The following NFIB variants were observed in gnomAD, a reference collection of about 807,000 sequenced individuals.
The protein encoded by NFIB is nuclear factor 1 B-type.
A neutral mutation model predicts 61.5 loss-of-function variants in NFIB; 11 were observed. The ratio of observed to expected loss-of-function variants is 0.18; its 90% CI spans 0.11 to 0.30. The LOEUF (loss-of-function observed/expected upper bound fraction) is 0.30, where lower values mean the gene tolerates loss of function less well. Ranked by LOEUF, NFIB falls within the 10% of genes least tolerant of loss-of-function variation. The pLI is 1.00. For synonymous variants in NFIB, 260 were observed against 216.5 expected (o/e 1.20, Z -1.76); for missense variants, 471 against 608.9 (o/e 0.77, Z 2.38).
upstream of NFIB, among the ~76,000 whole-genome samples, chr9:14,316,084 C>T (rs897737408): frequency 1.3e-5 from 2 of 152,206 alleles, no homozygotes; most frequent in Admixed American, 6.5e-5. Context: ...TCTTCCCTCC[C>T]CCAGCGGACC....
chr9:14,349,531 C>G (rs764668128), intron 1 of NFIB, among the ~76,000 whole-genome samples: 2 of 151,986 alleles, frequency 1.3e-5, no homozygotes, highest in Non-Finnish European at 1.5e-5. Context: ...TTTGGAGAGC[C>G]CCAAAGCAGG....
intron 2 of NFIB, among the ~76,000 whole-genome samples, chr9:14,251,979 CATGGTAGTAAG>C (rs1317755966): frequency 6.6e-6 from 1 of 152,178 alleles, no homozygotes; most frequent in Non-Finnish European, 1.5e-5. Context: ...ACATTCTTTG[CATGGTAGTAAG>C]ACATTAATTA....
chr9:14,482,560 G>A, the NFIB span, among the ~76,000 whole-genome samples: 2 of 152,220 alleles, frequency 1.3e-5, no homozygotes, highest in East Asian at 1.9e-4. Context: ...CTTGGGACAA[G>A]TGATACACTG....
chr9:14,366,739 C>T (rs1021331933), intron 1 of NFIB, among the ~76,000 whole-genome samples: 1 of 152,172 alleles, frequency 6.6e-6, no homozygotes, highest in Admixed American at 6.5e-5. Flanking sequence ...CTGCCTCGGC[C>T]TCCCAAAGTG....
intron 1 of NFIB, among the ~76,000 whole-genome samples, chr9:14,333,261 G>A (rs914325033): frequency 6.6e-6 from 1 of 152,184 alleles, no homozygotes; most frequent in African/African-American, 2.4e-5. Flanking sequence ...TTGTTTTACA[G>A]ATGAGAAGAT....
chr9:14,113,497 G>A (rs2037686333), intron 9 of NFIB, among the ~76,000 whole-genome samples: 1 of 152,132 alleles, frequency 6.6e-6, no homozygotes. Context: ...AAGTCCGCCA[G>A]GAAAAAGTGA....
the NFIB span, among the ~76,000 whole-genome samples, chr9:14,520,998 G>A: frequency 6.6e-6 from 1 of 152,150 alleles, no homozygotes. Flanking sequence ...TTCTTTGGAT[G>A]CTCAGCTGTT....
chr9:14,510,382 C>T, the NFIB span, among the ~76,000 whole-genome samples: 1 of 152,172 alleles, frequency 6.6e-6, no homozygotes, highest in Non-Finnish European at 1.5e-5. Flanking sequence ...CAGAAATCCA[C>T]CCCACACTAG....
chr9:14,409,602 G>A, the NFIB span, among the ~76,000 whole-genome samples: 4 of 152,198 alleles, frequency 2.6e-5, no homozygotes, highest in Non-Finnish European at 4.4e-5. Context: ...GCAACACTCC[G>A]AAGGCCAGCC....
intron 1 of NFIB, among the ~76,000 whole-genome samples, chr9:14,374,664 C>T (rs1318813411): frequency 6.6e-6 from 1 of 152,226 alleles, no homozygotes; most frequent in African/African-American, 2.4e-5. Context: ...AGTCCCAGCA[C>T]TTTGTGAGGC....
chr9:14,395,467 T>A (rs978616687), intron 1 of NFIB, among the ~76,000 whole-genome samples: 3 of 152,026 alleles, frequency 2.0e-5, no homozygotes, highest in African/African-American at 7.2e-5. Context: ...CTTTGTGGCC[T>A]GGATGAATTC....
intron 2 of NFIB, among the ~76,000 whole-genome samples, chr9:14,273,201 T>G (rs551126780): frequency 1.3e-5 from 2 of 152,244 alleles, no homozygotes; most frequent in Admixed American, 6.5e-5. Flanking sequence ...TAAGTACATT[T>G]TCCGTCTCTT....
chr9:14,442,160 C>T, the NFIB span, among the ~76,000 whole-genome samples: 1 of 152,150 alleles, frequency 6.6e-6, no homozygotes, highest in South Asian at 2.1e-4. Context: ...ACTCTGGGTC[C>T]ACCTCGCTTA....
chr9:14,452,859 G>A, the NFIB span, among the ~76,000 whole-genome samples: 1 of 152,220 alleles, frequency 6.6e-6, no homozygotes, highest in Non-Finnish European at 1.5e-5. Context: ...GAGGAGAAGG[G>A]GGAGAATCCT....
At chr9:14,284,523 T>C (rs991759705) in intron 2 of NFIB, among the ~76,000 whole-genome samples, 7 of 152,148 alleles carry the variant, frequency 4.6e-5, no homozygotes, top group Admixed American at 3.9e-4. Flanking sequence ...ATCCACAAAG[T>C]GAGCACTCAA....
the NFIB span, among the ~76,000 whole-genome samples, chr9:14,439,542 A>G: frequency 6.6e-6 from 1 of 152,220 alleles, no homozygotes; most frequent in Admixed American, 6.5e-5. Context: ...TGCTTAATAA[A>G]TATTAGCTAT....
intron 3 of NFIB, among the ~76,000 whole-genome samples, chr9:14,176,723 C>T (rs1303552536): frequency 6.6e-6 from 1 of 152,014 alleles, no homozygotes; most frequent in African/African-American, 2.4e-5. Context: ...TTAGGGTCAC[C>T]CTTCAGAAGT....
upstream of NFIB, chr9:14,317,316 C>T (rs1436560184): frequency 6.6e-6 from 1 of 152,256 alleles, no homozygotes; most frequent in East Asian, 1.9e-4. Context: ...TTCAGCAACA[C>T]CAAGGGCGAA....
the NFIB span, among the ~76,000 whole-genome samples, chr9:14,460,123 G>A: frequency 6.6e-6 from 1 of 152,150 alleles, no homozygotes; most frequent in Admixed American, 6.5e-5. Context: ...CAACCCAAAT[G>A]TCCAGCAACG....
Sources: allele counts gnomAD v4.1 joint callset (sites outside exome capture counted in the v4.1 genomes callset), GRCh38; gene constraint gnomAD v4.1.1; transcripts MANE v1.5; gene names NCBI Gene and HGNC (gene_info 2026-07-23, HGNC 2026-07-21).